Variants in SPTA1 observed in about 807,000 individuals in gnomAD.
SPTA1 encodes spectrin alpha, erythrocytic 1.
SPTA1 carries 177 observed loss-of-function variants against 324.7 expected under a neutral mutation model. The ratio of observed to expected loss-of-function variants is 0.55; its 90% CI spans 0.48 to 0.62. The LOEUF (loss-of-function observed/expected upper bound fraction) is 0.62. Ranked by LOEUF, SPTA1 falls within the 20% of genes least tolerant of loss-of-function variation. SPTA1 has a pLI of 0.00. For missense variants in SPTA1, 3,162 were observed against 2,883.6 expected, an observed-to-expected ratio of 1.10 and a Z score of -2.21; for synonymous variants, 1,195 against 1,041.3, an observed-to-expected ratio of 1.15 and a Z score of -2.84.
intron 2 of SPTA1, among the ~76,000 whole-genome samples, chr1:158,684,767 A>C (rs1185332183): frequency 6.6e-6 from 1 of 152,164 alleles, no homozygotes. Context: ...CTATGCCCTT[A>C]TCAATAAGCA....
At chr1:158,636,459 A>G (rs548264419) in intron 37 of SPTA1, among the ~76,000 whole-genome samples, 182 bp downstream of exon 37, 6 of 152,108 alleles carry the variant, frequency 3.9e-5, no homozygotes, top group African/African-American at 1.4e-4. Flanking sequence ...CTTGTTCAGA[A>G]CTCTTCTACT....
chr1:158,621,914 A>T (rs1649935367), intron 43 of SPTA1, among the ~76,000 whole-genome samples: 1 of 152,144 alleles, frequency 6.6e-6, no homozygotes, highest in South Asian at 2.1e-4. Context: ...CTCAGGCTGG[A>T]GTACAGTGGC....
At chr1:158,620,586 G>T in intron 43 of SPTA1, 120 bp from the exon 44 acceptor site, 2 of 1,289,796 alleles carry the variant, frequency 1.6e-6, no homozygotes, top group Non-Finnish European at 2.2e-6. Flanking sequence ...AATCTAAAAG[G>T]GCAGAACTAA....
intron 19 of SPTA1, 99 bp downstream of exon 19, chr1:158,657,378 G>T: frequency 1.6e-6 from 2 of 1,253,260 alleles, no homozygotes; most frequent in Non-Finnish European, 2.3e-6. Flanking sequence ...AAATAATCTG[G>T]CAGAATCTGT....
Position 158,644,373 on chromosome 1 carries a change from T to C in SPTA1, c.4218A>G (p.Gln1406=). ...CACGTGCCACCATCCAGCTCTCAAC[T>C]TGATCACAGTTCCCCTGGAACATCT... ...ELQMFQGNCD[Q]VESWMVAREN... is the part of the protein sequence containing the mutation. Residue 1406 remains glutamine (Q), a synonymous_variant, in exon 30 of 52, where the codon CAA becomes CAG. Transcript: ENST00000643759. The C allele has an allele frequency of 6.2e-7, 1 of 1,613,828 alleles. No individual in the cohort carries two copies. Among genetic ancestry groups the C allele is most frequent in the Non-Finnish European group, 8.5e-7 (1 of 1,179,838 alleles).
At chr1:158,612,715 A>T (rs1649334222) in intron 51 of SPTA1, 102 bp downstream of exon 51, 2 of 1,385,240 alleles carry the variant, frequency 1.4e-6, no homozygotes, top group South Asian at 2.5e-5. Flanking sequence ...CTGAAAAAAA[A>T]AAACAAGTGG....
At chr1:158,621,090 C>T (rs990185273) in intron 43 of SPTA1, among the ~76,000 whole-genome samples, 1 of 152,128 alleles carries the variant, frequency 6.6e-6, no homozygotes, top group Non-Finnish European at 1.5e-5. Flanking sequence ...TAACCTGTAT[C>T]CTTAGCACAA....
chr1:158,681,506 T>C (rs1227636892), intron 4 of SPTA1, 21 bp downstream of exon 4: 7 of 1,613,354 alleles, frequency 4.3e-6, no homozygotes, highest in Admixed American at 1.7e-5. Context: ...CCCTGTGTGA[T>C]TGCTGTTTTA....
intron 29 of SPTA1, 50 bp downstream of exon 29, chr1:158,645,138 A>G (rs1651896098): frequency 1.3e-6 from 2 of 1,595,740 alleles, no homozygotes; most frequent in Non-Finnish European, 1.7e-6. Flanking sequence ...GAAATTGCAT[A>G]GGAGAAACAG....
At chr1:158,684,014 AAGGGGTAGGCACT>A (rs1655000370) in intron 2 of SPTA1, among the ~76,000 whole-genome samples, 1 of 151,908 alleles carries the variant, frequency 6.6e-6, no homozygotes, top group Non-Finnish European at 1.5e-5. Context: ...GGTGAATAGA[AAGGGGTAGGCACT>A]TTCACCAAAT....
At chr1:158,621,848 A>C (rs558399815) in intron 43 of SPTA1, among the ~76,000 whole-genome samples, 247 of 152,184 alleles carry the variant, frequency 1.6e-3, no homozygotes, top group Non-Finnish European at 3.0e-3. Flanking sequence ...CAGTAATTCC[A>C]CTGACCATTC....
chr1:158,636,473 A>G (rs944687366), intron 37 of SPTA1, among the ~76,000 whole-genome samples, 168 bp downstream of exon 37: 1 of 152,194 alleles, frequency 6.6e-6, no homozygotes, highest in Non-Finnish European at 1.5e-5. Flanking sequence ...TTCTACTTAT[A>G]GGAGACTAAA....
In SPTA1 at chr1:158,634,545, G is replaced by T. The variant is rs757445695; in HGVS notation, c.5563C>A (p.Gln1855Lys). The T allele has an allele frequency of 1.2e-6, 2 of 1,613,818 alleles. No homozygotes were observed. Among genetic ancestry groups the T allele is most frequent in the Admixed American group, 1.7e-5 (1 of 59,992 alleles). ...GATTCATTCTTCCTGTTCCTCACCT[G>T]AGTAGCAGCTAATGTATCTCCACAA... is the stretch of plus-strand genomic sequence containing the variant. ...GDCGDTLAAT[Q>K]SLLMKHEALE... Residue 1855 changes from glutamine to lysine, a missense_variant and splice_region_variant, in exon 39 of 52, where the codon CAG becomes AAG. Physicochemically the swap from Gln to Lys is moderately conservative, Grantham distance 53. Transcript: ENST00000643759.
intron 24 of SPTA1, 93 bp downstream of exon 24, chr1:158,651,274 G>A: frequency 6.0e-6 from 5 of 839,932 alleles, no homozygotes; most frequent in Non-Finnish European, 8.4e-6. Flanking sequence ...TGTTCTAGTG[G>A]GTCTGCAGAA....
intron 34 of SPTA1, 82 bp downstream of exon 34, chr1:158,639,788 G>A: frequency 6.2e-7 from 1 of 1,612,474 alleles, no homozygotes; most frequent in South Asian, 1.1e-5. Flanking sequence ...GAAAATTCAA[G>A]GAAATTGCCC....
chr1:158,679,326 A>T (rs1654628994), intron 5 of SPTA1, among the ~76,000 whole-genome samples: 1 of 152,134 alleles, frequency 6.6e-6, no homozygotes, highest in Non-Finnish European at 1.5e-5. Flanking sequence ...TCTATGATAG[A>T]TTGGAAAAAA....
rs965651253 is a variant in SPTA1 at position 158,635,779 on chromosome 1, G to C, written c.5432+134C>G. ...AAGCTTTGTGGTAAACTTGTCATTT[G>C]AGAAGGGACTTAAGGAGATAGATAG... is the stretch of plus-strand genomic sequence containing the variant. On this transcript the variant is annotated intron_variant, in intron 38 of 51. Transcript: ENST00000643759. 4.5e-6 allele frequency: 6 copies of C among 1,327,674 alleles called. No homozygotes were observed. The African/African-American group carries it at 7.2e-5, about 16-fold the overall frequency. 82.2% of individuals were successfully genotyped at this position (1,327,674 alleles called of 1,614,324 possible). A position where few individuals can be genotyped will look rare whatever the true frequency, so the allele number is the denominator to read the frequency against.
Position 158,674,359 on chromosome 1 carries a change from A to G in SPTA1, c.1320T>C (p.Asn440=), listed in dbSNP as rs1654252267. 1.2e-6 allele frequency: 2 copies of G among 1,613,980 alleles called. No individual in the cohort carries two copies. The highest frequency in any genetic ancestry group is 1.7e-6 in the Non-Finnish European group (2 of 1,179,976). The change falls in exon 10 of 52, where the codon AAT becomes AAC. Residue 440 remains asparagine, a synonymous_variant. Coordinates refer to ENST00000643759, the MANE Select transcript of SPTA1 (RefSeq NM_003126.4). ...CCCGAACTTCATCAGAGGCTTCATGATTGGCATTCACGAGGTCTTGACCAG... is the reference window on the plus strand; with the variant it reads ...CCCGAACTTCATCAGAGGCTTCATGGTTGGCATTCACGAGGTCTTGACCAG... The part of the protein sequence containing the change: ...DETGQDLVNA[N]HEASDEVREK...
intron 3 of SPTA1, 69 bp downstream of exon 3, chr1:158,683,302 A>G (rs1654935403): frequency 1.9e-6 from 3 of 1,606,976 alleles, no homozygotes; most frequent in Non-Finnish European, 2.6e-6. Context: ...TTTATATCTC[A>G]TATAATCAGT....
Sources: allele counts gnomAD v4.1 joint callset (sites outside exome capture counted in the v4.1 genomes callset), GRCh38; gene constraint gnomAD v4.1.1; transcripts MANE v1.5; gene names NCBI Gene and HGNC (gene_info 2026-07-23, HGNC 2026-07-21).